Variants in SKAP2 observed in about 807,000 individuals in gnomAD.
SKAP2 encodes src kinase associated phosphoprotein 2.
In SKAP2, 28 loss-of-function variants were observed where a neutral mutation model predicts 54.9. The ratio of observed to expected loss-of-function variants is 0.51; its 90% confidence interval spans 0.38 to 0.70. The LOEUF is 0.70. SKAP2 is among the 30% of genes least tolerant of loss of function. The pLI is 0.00. For missense variants in SKAP2, 356 were observed against 424.1 expected, an observed-to-expected ratio of 0.84 and a Z score of 1.41; for synonymous variants, 137 against 134.3, an observed-to-expected ratio of 1.02 and a Z score of -0.14.
At chr7:26,757,407 C>A (rs912039562) in intron 4 of SKAP2, among the ~76,000 whole-genome samples, 36 of 152,190 alleles carry the variant, frequency 2.4e-4, no homozygotes, top group Non-Finnish European at 4.6e-4. Context: ...CCAGTTTTCC[C>A]AGCACCATTT....
intron 4 of SKAP2, among the ~76,000 whole-genome samples, chr7:26,767,206 T>C (rs1306567159): frequency 2.0e-5 from 3 of 152,220 alleles, no homozygotes; most frequent in Admixed American, 6.5e-5. Context: ...GCAGGGTGTA[T>C]GTGTCCAGGA....
At chr7:26,825,769 C>T (rs1784478925) in intron 4 of SKAP2, among the ~76,000 whole-genome samples, 1 of 152,068 alleles carries the variant, frequency 6.6e-6, no homozygotes, top group Admixed American at 6.6e-5. Flanking sequence ...ATTTAGCATG[C>T]TAAATAATTA....
intron 6 of SKAP2, among the ~76,000 whole-genome samples, chr7:26,728,750 T>C (rs373651147): frequency 1.3e-5 from 2 of 152,062 alleles, no homozygotes; most frequent in East Asian, 1.9e-4. Flanking sequence ...GTGGAAGTAA[T>C]GTGAGGCAAA....
intron 4 of SKAP2, among the ~76,000 whole-genome samples, chr7:26,760,563 CAATT>C (rs1420741796): frequency 6.6e-6 from 1 of 152,014 alleles, no homozygotes; most frequent in Non-Finnish European, 1.5e-5. Flanking sequence ...AGAATAACAA[CAATT>C]AATAATACAA....
intron 4 of SKAP2, among the ~76,000 whole-genome samples, chr7:26,807,571 T>C (rs544499112): frequency 6.6e-6 from 1 of 152,324 alleles, no homozygotes; most frequent in South Asian, 2.1e-4. Context: ...TAAATTACCC[T>C]GTCTCAGGTA....
chr7:26,847,462 G>A (rs1433006054), intron 3 of SKAP2, among the ~76,000 whole-genome samples: 2 of 151,512 alleles, frequency 1.3e-5, no homozygotes, highest in African/African-American at 4.9e-5. Flanking sequence ...CCCAGGGGCT[G>A]AGTATTTGTA....
rs1007563850 is a variant in SKAP2, at chr7:26,690,415, C to G, written c.797-53G>C. 4.6e-6 allele frequency: 5 copies of G among 1,096,398 alleles called. No homozygotes were observed. The African/African-American group carries it at 7.7e-5, about 17-fold the overall frequency. 67.9% of individuals were successfully genotyped at this position (1,096,398 alleles called of 1,614,324 possible). ...TTGAAGGGTTTTCTCAGGGATAACACTACAGTACTCACTCAATTTTAAAAG... is the reference window on the plus strand; with the variant it reads ...TTGAAGGGTTTTCTCAGGGATAACAGTACAGTACTCACTCAATTTTAAAAG... On this transcript the variant is annotated intron_variant, in intron 9 of 12. Coordinates refer to ENST00000345317, the MANE Select transcript of SKAP2 (RefSeq NM_003930.5).
intron 4 of SKAP2, among the ~76,000 whole-genome samples, chr7:26,831,264 A>G (rs1179488619): frequency 2.0e-5 from 3 of 152,174 alleles, no homozygotes; most frequent in South Asian, 2.1e-4. Flanking sequence ...CTCATTACTC[A>G]AAAGAAAGAA....
intron 4 of SKAP2, among the ~76,000 whole-genome samples, chr7:26,782,683 T>C (rs769727930): frequency 1.4e-4 from 22 of 152,154 alleles, no homozygotes; most frequent in African/African-American, 3.1e-4. Context: ...AGACTGAGGC[T>C]GTGTCTCTAA....
intron 4 of SKAP2, among the ~76,000 whole-genome samples, chr7:26,794,659 T>A (rs1653032431): frequency 6.6e-6 from 1 of 152,218 alleles, no homozygotes; most frequent in African/African-American, 2.4e-5. Flanking sequence ...AAGGTGGATA[T>A]CTTGTCTAGC....
At chr7:26,830,255 A>T in intron 4 of SKAP2, among the ~76,000 whole-genome samples, 1 of 152,176 alleles carries the variant, frequency 6.6e-6, no homozygotes, top group East Asian at 1.9e-4. Context: ...AAGGGTTAGG[A>T]GAAAACTGAG....
intron 4 of SKAP2, among the ~76,000 whole-genome samples, chr7:26,774,642 T>C (rs1047270038): frequency 6.6e-6 from 1 of 152,118 alleles, no homozygotes; most frequent in Admixed American, 6.6e-5. Context: ...CCAGAATGAA[T>C]ATGAATCATG....
chr7:26,850,375 T>C (rs2127997558), intron 3 of SKAP2, among the ~76,000 whole-genome samples: 1 of 149,472 alleles, frequency 6.7e-6, no homozygotes, highest in Middle Eastern at 3.4e-3. Context: ...AGCCCAGGAG[T>C]TCAAGACCAG....
intron 3 of SKAP2, among the ~76,000 whole-genome samples, chr7:26,853,056 G>A (rs1431674194): frequency 1.3e-5 from 2 of 151,916 alleles, no homozygotes; most frequent in African/African-American, 2.4e-5. Context: ...TTATTTAAGT[G>A]TTAAAAATCT....
At chr7:26,759,299 T>G (rs1444615450) in intron 4 of SKAP2, among the ~76,000 whole-genome samples, 2 of 152,202 alleles carry the variant, frequency 1.3e-5, no homozygotes, top group Non-Finnish European at 2.9e-5. Flanking sequence ...GATGTACACT[T>G]CACATAGCGC....
At chr7:26,678,250 C>G (rs551333360) in intron 11 of SKAP2, among the ~76,000 whole-genome samples, 1 of 152,254 alleles carries the variant, frequency 6.6e-6, no homozygotes. Flanking sequence ...CCCCCACTCC[C>G]TGCCCACTAA....
intron 3 of SKAP2, among the ~76,000 whole-genome samples, chr7:26,846,160 A>G (rs1446113566): frequency 6.6e-6 from 1 of 152,130 alleles, no homozygotes; most frequent in Middle Eastern, 3.2e-3. Context: ...AATATTTCAT[A>G]TCTCACACAA....
chr7:26,829,504 C>T (rs2127992115), intron 4 of SKAP2, among the ~76,000 whole-genome samples: 1 of 152,240 alleles, frequency 6.6e-6, no homozygotes, highest in African/African-American at 2.4e-5. Flanking sequence ...GATCATACCA[C>T]ACTGCACTAC....
At chr7:26,823,747 T>C (rs969905292) in intron 4 of SKAP2, among the ~76,000 whole-genome samples, 18 of 152,168 alleles carry the variant, frequency 1.2e-4, no homozygotes, top group Non-Finnish European at 2.1e-4. Context: ...AGGACATCAA[T>C]GGAAGAAGAC....
Sources: allele counts gnomAD v4.1 joint callset (sites outside exome capture counted in the v4.1 genomes callset), GRCh38; gene constraint gnomAD v4.1.1; transcripts MANE v1.5; gene names NCBI Gene and HGNC (gene_info 2026-07-23, HGNC 2026-07-21).